Variants in TXNDC11 observed in about 807,000 individuals in gnomAD.
TXNDC11 encodes the protein thioredoxin domain-containing protein 11.
Under a neutral mutation model 78.0 loss-of-function variants are expected in TXNDC11, and 68 were observed. The ratio of observed to expected loss-of-function variants is 0.87; its 90% CI spans 0.72 to 1.07. TXNDC11 has a LOEUF of 1.07. Among genes scored for constraint, TXNDC11 ranks in the 50% least tolerant of loss-of-function variants. TXNDC11 has a pLI of 0.00. For synonymous variants in TXNDC11, 571 were observed against 495.2 expected (o/e 1.15, Z -2.03); for missense variants, 1,389 against 1,221.8 (o/e 1.14, Z -2.04).
intron 1 of TXNDC11, among the ~76,000 whole-genome samples, chr16:11,736,623 G>A (rs938195487): frequency 1.4e-4 from 22 of 152,274 alleles, no homozygotes; most frequent in Middle Eastern, 3.4e-3. Flanking sequence ...CGGTGAGGGA[G>A]CATGTAAACT....
intron 2 of TXNDC11, among the ~76,000 whole-genome samples, chr16:11,734,928 T>C (rs2052176801): frequency 6.6e-6 from 1 of 152,154 alleles, no homozygotes; most frequent in African/African-American, 2.4e-5. Flanking sequence ...GGGGTGTTGG[T>C]AGATGTCCTG....
intron 5 of TXNDC11, among the ~76,000 whole-genome samples, chr16:11,716,750 C>T (rs1007518166): frequency 3.3e-5 from 5 of 152,104 alleles, no homozygotes; most frequent in African/African-American, 4.8e-5. Flanking sequence ...GCCAAAGGCA[C>T]GGATGGACAT....
intron 1 of TXNDC11, among the ~76,000 whole-genome samples, chr16:11,738,847 G>A (rs534544733): frequency 1.0e-3 from 152 of 151,328 alleles, no homozygotes; most frequent in Non-Finnish European, 1.9e-3. Flanking sequence ...GACCAACACC[G>A]GGAAACCCCA....
At chr16:11,715,874 A>G (rs1328440248) in intron 5 of TXNDC11, among the ~76,000 whole-genome samples, 1 of 152,188 alleles carries the variant, frequency 6.6e-6, no homozygotes, top group Non-Finnish European at 1.5e-5. Context: ...TTTTTTCACT[A>G]GAATAGGTAA....
intron 7 of TXNDC11, among the ~76,000 whole-genome samples, chr16:11,695,464 AGT>A (rs142802677): frequency 0.028 from 4,333 of 152,254 alleles, 197 homozygotes; most frequent in African/African-American, 0.099. Flanking sequence ...GTAATGAAAA[AGT>A]AAAGCCACCT....
At chr16:11,732,521 C>T (rs1291446982) in intron 3 of TXNDC11, among the ~76,000 whole-genome samples, 2 of 152,196 alleles carry the variant, frequency 1.3e-5, no homozygotes, top group Non-Finnish European at 2.9e-5. Context: ...AAAACCTGTA[C>T]TTGAACCTTC....
At chr16:11,717,072 G>C (rs1039027826) in intron 5 of TXNDC11, among the ~76,000 whole-genome samples, 5 of 130,130 alleles carry the variant, frequency 3.8e-5, no homozygotes, top group African/African-American at 1.4e-4. Context: ...ATTTAAAAAA[G>C]AAGAAAATAA....
chr16:11,700,197 AAAGTCTGTACCAAAATCT>A (rs2050972681), intron 6 of TXNDC11, among the ~76,000 whole-genome samples: 1 of 152,228 alleles, frequency 6.6e-6, no homozygotes, highest in Non-Finnish European at 1.5e-5. Flanking sequence ...GAAAAACTTT[AAAGTCTGTACCAAAATCT>A]AAGAATACAA....
intron 5 of TXNDC11, among the ~76,000 whole-genome samples, chr16:11,709,254 T>G (rs1747673253): frequency 7.6e-6 from 1 of 131,224 alleles, no homozygotes. Context: ...TTATAAGCTG[T>G]GATTCTTTTT....
chr16:11,688,531 C>T, intron 8 of TXNDC11, 86 bp from the exon 9 acceptor site: 1 of 1,128,876 alleles, frequency 8.9e-7, no homozygotes, highest in Non-Finnish European at 1.2e-6. Flanking sequence ...ATTTTAAAAA[C>T]TCAAATGACT....
chr16:11,695,822 C>T (rs1383283145), intron 7 of TXNDC11, among the ~76,000 whole-genome samples: 1 of 152,060 alleles, frequency 6.6e-6, no homozygotes, highest in Non-Finnish European at 1.5e-5. Flanking sequence ...CGCTTGAGCC[C>T]AGGGCTTTTG....
At chr16:11,687,722 T>A (rs1597407339) in intron 10 of TXNDC11, 135 bp downstream of exon 10, 4 of 632,550 alleles carry the variant, frequency 6.3e-6, no homozygotes, top group South Asian at 3.3e-5. Flanking sequence ...GGCTTCAACC[T>A]GACAATTAAA....
intron 7 of TXNDC11, 107 bp from the exon 8 acceptor site, chr16:11,692,189 C>T (rs990630039): frequency 1.1e-5 from 9 of 854,614 alleles, no homozygotes; most frequent in Non-Finnish European, 1.6e-5. Flanking sequence ...TGGTCAACTC[C>T]GGTTCAAAAA....
At chr16:11,720,255 A>G (rs1057514998) in intron 5 of TXNDC11, among the ~76,000 whole-genome samples, 6 of 152,234 alleles carry the variant, frequency 3.9e-5, no homozygotes, top group African/African-American at 1.4e-4. Flanking sequence ...AGAAGCTGGC[A>G]GTAGCCTATG....
At chr16:11,686,582 G>C (rs975677544) in intron 10 of TXNDC11, among the ~76,000 whole-genome samples, 1 of 152,182 alleles carries the variant, frequency 6.6e-6, no homozygotes, top group African/African-American at 2.4e-5. Flanking sequence ...AGATACATCT[G>C]ACTGCAGTTT....
chr16:11,698,574 A>G (rs1169719703), intron 6 of TXNDC11, among the ~76,000 whole-genome samples: 1 of 152,270 alleles, frequency 6.6e-6, no homozygotes, highest in Non-Finnish European at 1.5e-5. Context: ...GCCTTGAGAC[A>G]GACCCACCTA....
At chr16:11,733,156 C>G (rs1403444887) in intron 3 of TXNDC11, among the ~76,000 whole-genome samples, 1 of 152,244 alleles carries the variant, frequency 6.6e-6, no homozygotes, top group Non-Finnish European at 1.5e-5. Context: ...ACTCGGGAGG[C>G]TGAGGCAGGA....
At chr16:11,694,529 C>A (rs2050808802) in intron 7 of TXNDC11, among the ~76,000 whole-genome samples, 1 of 152,024 alleles carries the variant, frequency 6.6e-6, no homozygotes, top group Admixed American at 6.5e-5. Flanking sequence ...CTCACTGCAA[C>A]CTCTGCCTCC....
intron 5 of TXNDC11, among the ~76,000 whole-genome samples, chr16:11,716,224 G>C (rs145084397): frequency 8.2e-4 from 125 of 152,326 alleles, no homozygotes; most frequent in African/African-American, 2.9e-3. Flanking sequence ...TTGTAGATCA[G>C]ATGAAAAATG....
Sources: gnomAD v4.1 joint callset for allele counts (sites outside exome capture counted in the v4.1 genomes callset) on GRCh38, gnomAD v4.1.1 for gene constraint, MANE v1.5 for transcripts, NCBI Gene and HGNC (gene_info 2026-07-23, HGNC 2026-07-21) for gene names.